Variants in EPB41L5 observed in about 807,000 individuals in gnomAD.
The protein encoded by EPB41L5 is erythrocyte membrane protein band 4.1 like 5.
EPB41L5 carries 55 observed loss-of-function variants against 106.6 expected under a neutral mutation model. The ratio of observed to expected loss-of-function variants is 0.52; its 90% CI spans 0.42 to 0.65. The LOEUF (loss-of-function observed/expected upper bound fraction) is 0.65. Ranked by LOEUF, EPB41L5 falls within the 30% of genes least tolerant of loss-of-function variation. EPB41L5 has a pLI of 0.00. For synonymous variants in EPB41L5, 297 were observed against 306.7 expected (o/e 0.97, Z 0.33); for missense variants, 871 against 882.1 (o/e 0.99, Z 0.16).
intron 20 of EPB41L5, among the ~76,000 whole-genome samples, chr2:120,153,478 G>A (rs953698977): frequency 6.6e-6 from 1 of 151,934 alleles, no homozygotes; most frequent in Non-Finnish European, 1.5e-5. Context: ...TAGGTGGAGT[G>A]TTCTATATAT....
At chr2:120,104,770 T>G in intron 16 of EPB41L5, 2 of 893,242 alleles carry the variant, frequency 2.2e-6, no homozygotes, top group Non-Finnish European at 2.7e-6. Context: ...TAATATAATT[T>G]TTAATTACAA....
At chr2:120,129,143 T>A (rs1685589359) in intron 17 of EPB41L5, among the ~76,000 whole-genome samples, 1 of 152,040 alleles carries the variant, frequency 6.6e-6, no homozygotes, top group South Asian at 2.1e-4. Context: ...AATATACCCT[T>A]ATAACAAACC....
At chr2:120,067,996 C>T (rs1337924264) in intron 3 of EPB41L5, among the ~76,000 whole-genome samples, 1 of 152,076 alleles carries the variant, frequency 6.6e-6, no homozygotes, top group East Asian at 1.9e-4. Flanking sequence ...GGCAAGATGG[C>T]CGAATAGGAA....
At position 120,093,335 on chromosome 2, in the gene EPB41L5, A is replaced by G. The variant is rs923579410; in HGVS notation, c.1178+59A>G. 17 of 1,368,764 alleles carry G rather than the reference A, an allele frequency of 1.2e-5. No individual in the cohort carries two copies. In the African/African-American group the frequency reaches 1.7e-4, roughly 14 times the overall value. The allele number at this position is 1,368,764 out of a possible 1,614,324, so 84.8% of individuals were successfully genotyped here. A position where few individuals can be genotyped will look rare whatever the true frequency, so the allele number is the denominator to read the frequency against. ...AGAATTTGGGATTTATGTAGTTGCT[A>G]TCATTAAACAAATATTTAAGACCTA... On this transcript the variant is annotated intron_variant, in intron 14 of 24. Coordinates refer to ENST00000263713, the MANE Select transcript of EPB41L5 (RefSeq NM_020909.4).
chr2:120,044,057 A>G (rs961530908), intron 3 of EPB41L5, among the ~76,000 whole-genome samples: 2 of 151,110 alleles, frequency 1.3e-5, no homozygotes, highest in Non-Finnish European at 3.0e-5. Context: ...GGAGGATCGC[A>G]TGAGCCCAGG....
At chr2:120,131,921 A>C (rs1685712337) in intron 18 of EPB41L5, among the ~76,000 whole-genome samples, 1 of 151,992 alleles carries the variant, frequency 6.6e-6, no homozygotes, top group Non-Finnish European at 1.5e-5. Context: ...AGTGAATTGT[A>C]AGGTGATTTC....
chr2:120,115,883 C>T (rs1411831919), intron 16 of EPB41L5, among the ~76,000 whole-genome samples: 1 of 152,178 alleles, frequency 6.6e-6, no homozygotes, highest in Non-Finnish European at 1.5e-5. Context: ...GATCTCAACT[C>T]ACTGCAACCT....
intron 5 of EPB41L5, among the ~76,000 whole-genome samples, chr2:120,074,864 G>T (rs772248635): frequency 6.6e-6 from 1 of 152,148 alleles, no homozygotes; most frequent in Non-Finnish European, 1.5e-5. Flanking sequence ...GTCTCGCTCT[G>T]TCATCTAGGC....
At chr2:120,130,143 C>A (rs1209523147) in intron 17 of EPB41L5, among the ~76,000 whole-genome samples, 449 of 110,322 alleles carry the variant, frequency 4.1e-3, no homozygotes, top group African/African-American at 6.0e-3. Context: ...GACTCCATCT[C>A]AAAAAAAAAA....
At chr2:120,115,756 T>G (rs964127980) in intron 16 of EPB41L5, among the ~76,000 whole-genome samples, 3 of 152,154 alleles carry the variant, frequency 2.0e-5, no homozygotes, top group Non-Finnish European at 4.4e-5. Context: ...TTTTATGTTA[T>G]GTTGTGATCT....
intron 3 of EPB41L5, among the ~76,000 whole-genome samples, chr2:120,051,712 C>CCA (rs1680300488): frequency 6.6e-6 from 1 of 152,202 alleles, no homozygotes; most frequent in Non-Finnish European, 1.5e-5. Flanking sequence ...CCAACAAGCC[C>CCA]CAGTGAGATG....
At chr2:120,144,396 A>G (rs1310715941) in intron 19 of EPB41L5, among the ~76,000 whole-genome samples, 2 of 152,178 alleles carry the variant, frequency 1.3e-5, no homozygotes, top group African/African-American at 4.8e-5. Flanking sequence ...GGCCACTCAG[A>G]TTATGTTGTT....
intron 18 of EPB41L5, among the ~76,000 whole-genome samples, chr2:120,142,250 T>C (rs1686207810): frequency 6.6e-6 from 1 of 152,112 alleles, no homozygotes; most frequent in Non-Finnish European, 1.5e-5. Flanking sequence ...CCTTCCAGAC[T>C]TCGGTTTTCT....
intron 16 of EPB41L5, among the ~76,000 whole-genome samples, chr2:120,101,949 A>G (rs912238210): frequency 1.3e-5 from 2 of 152,296 alleles, no homozygotes; most frequent in East Asian, 3.9e-4. Flanking sequence ...AAAAGTGTAA[A>G]GAGTGAGGCT....
chr2:120,055,896 C>G (rs945627058), intron 3 of EPB41L5, among the ~76,000 whole-genome samples: 2 of 152,062 alleles, frequency 1.3e-5, no homozygotes, highest in Admixed American at 6.6e-5. Context: ...TTTATGTCTT[C>G]CTTTAGAATC....
At chr2:120,167,329 C>A in intron 22 of EPB41L5, 137 bp from the exon 23 acceptor site, 1 of 653,006 alleles carries the variant, frequency 1.5e-6, no homozygotes, top group Non-Finnish European at 2.7e-6. Context: ...AAGTCCATGT[C>A]AGCTCAAGGA....
chr2:120,126,370 T>C (rs921825613), intron 16 of EPB41L5, among the ~76,000 whole-genome samples: 2 of 152,142 alleles, frequency 1.3e-5, no homozygotes, highest in Admixed American at 1.3e-4. Flanking sequence ...AAGAATACTT[T>C]ACCCACCCAA....
intron 16 of EPB41L5, 82 bp from the exon 17 acceptor site, chr2:120,127,606 T>C: frequency 9.2e-7 from 1 of 1,092,756 alleles, no homozygotes; most frequent in African/African-American, 1.6e-5. Flanking sequence ...GTGGTGGAAA[T>C]TGCAGATACA....
intron 21 of EPB41L5, among the ~76,000 whole-genome samples, chr2:120,164,249 C>G (rs895803474): frequency 1.3e-5 from 2 of 152,168 alleles, no homozygotes; most frequent in Non-Finnish European, 2.9e-5. Flanking sequence ...GAATCTCACT[C>G]TGTCATCCAG....
Sources: allele counts gnomAD v4.1 joint callset (sites outside exome capture counted in the v4.1 genomes callset), GRCh38; gene constraint gnomAD v4.1.1; transcripts MANE v1.5; gene names NCBI Gene and HGNC (gene_info 2026-07-23, HGNC 2026-07-21).